PHF11: variants seen among roughly 807,000 people sequenced by gnomAD.
PHF11 encodes BRCA1 C-terminus-associated protein.
A neutral mutation model predicts 40.5 loss-of-function variants in PHF11; 38 were observed. The ratio of observed to expected loss-of-function variants is 0.94; its 90% confidence interval spans 0.72 to 1.23. PHF11 has a LOEUF of 1.23. Ranked by LOEUF, PHF11 falls within the 50% of genes most tolerant of loss-of-function variation. The pLI is 0.00. For synonymous variants in PHF11, 127 were observed against 138.2 expected (o/e 0.92, Z 0.57); for missense variants, 369 against 392.4 (o/e 0.94, Z 0.50).
intron 4 of PHF11, 98 bp from the exon 5 acceptor site, chr13:49,520,795 GA>G: frequency 1.2e-6 from 1 of 810,866 alleles, no homozygotes; most frequent in Non-Finnish European, 1.9e-6. Flanking sequence ...ACGCCGTCAT[GA>G]AAAGTAGGTT....
chr13:49,523,307 G>T, intron 7 of PHF11, 66 bp downstream of exon 7: 1 of 1,063,562 alleles, frequency 9.4e-7, no homozygotes, highest in Non-Finnish European at 1.4e-6. Context: ...CAACCCACCT[G>T]TTTCAAACTT....
At chr13:49,513,326 T>A (rs886411638) in intron 3 of PHF11, among the ~76,000 whole-genome samples, 160 bp downstream of exon 3, 1 of 131,640 alleles carries the variant, frequency 7.6e-6, no homozygotes, top group Non-Finnish European at 1.6e-5. Flanking sequence ...ACTTAACATT[T>A]AATTTTTTTT....
chr13:49,496,255 ACC>A (rs1958805898), intron 1 of PHF11, 160 bp downstream of exon 1: 1 of 643,512 alleles, frequency 1.6e-6, no homozygotes, highest in African/African-American at 1.9e-5. Flanking sequence ...AACTTGGCTC[ACC>A]ACTCGCGTGC....
At chr13:49,518,245 T>C in intron 4 of PHF11, 94 bp downstream of exon 4, 1 of 851,042 alleles carries the variant, frequency 1.2e-6, no homozygotes, top group Non-Finnish European at 1.8e-6. Context: ...TAATTTTATG[T>C]AAATGGTTTT....
intron 1 of PHF11, among the ~76,000 whole-genome samples, chr13:49,501,011 TTTTTGG>T (rs1270142064): frequency 0.025 from 2,946 of 117,972 alleles, 279 homozygotes; most frequent in African/African-American, 0.1. Flanking sequence ...TTTTTTTTTT[TTTTTGG>T]TTTTTTTTTT....
intron 2 of PHF11, 57 bp from the exon 3 acceptor site, chr13:49,513,002 C>A: frequency 1.2e-6 from 1 of 836,390 alleles, no homozygotes; most frequent in Non-Finnish European, 2.0e-6. Flanking sequence ...GATTTTCTGA[C>A]ATGTAGCTTT....
intron 1 of PHF11, 23 bp downstream of exon 1, chr13:49,496,118 G>A: frequency 3.5e-6 from 4 of 1,157,856 alleles, no homozygotes; most frequent in Non-Finnish European, 4.4e-6. Flanking sequence ...GGGGCGGGCG[G>A]GCGGGCGGGC....
chr13:49,506,870 G>T, intron 2 of PHF11, 114 bp downstream of exon 2: 1 of 457,948 alleles, frequency 2.2e-6, no homozygotes, highest in Non-Finnish European at 3.7e-6. Context: ...CATGGTTTGA[G>T]CTTTTAGGTG....
chr13:49,509,709 A>G (rs1005258322), intron 2 of PHF11, among the ~76,000 whole-genome samples: 1 of 152,204 alleles, frequency 6.6e-6, no homozygotes, highest in Admixed American at 6.5e-5. Context: ...GGTTTTATAA[A>G]GAGGAGTTCC....
intron 1 of PHF11, among the ~76,000 whole-genome samples, chr13:49,504,462 A>T (rs1431922571): frequency 2.0e-5 from 3 of 150,868 alleles, no homozygotes; most frequent in Non-Finnish European, 4.4e-5. Flanking sequence ...TCTAAAAAAA[A>T]AGATACTCCC....
At chr13:49,504,829 A>T (rs1458625579) in intron 1 of PHF11, among the ~76,000 whole-genome samples, 16 of 150,996 alleles carry the variant, frequency 1.1e-4, no homozygotes, top group Middle Eastern at 3.4e-3. Flanking sequence ...TCTGTGTAGA[A>T]AGAAGTAGAC....
chr13:49,497,260 A>C, intron 1 of PHF11: 1 of 1,145,656 alleles, frequency 8.7e-7, no homozygotes, highest in South Asian at 1.3e-5. Flanking sequence ...CTCTTCCTCA[A>C]ACTCCAGACT....
chr13:49,513,464 A>G (rs1039627979), intron 3 of PHF11, among the ~76,000 whole-genome samples: 3 of 151,000 alleles, frequency 2.0e-5, no homozygotes, highest in Non-Finnish European at 4.4e-5. Context: ...CCGAGTAGCT[A>G]GGATTACAGG....
intron 1 of PHF11, among the ~76,000 whole-genome samples, chr13:49,501,003 T>G (rs185318961): frequency 0.01 from 1,229 of 120,906 alleles, 80 homozygotes; most frequent in Admixed American, 0.044. Flanking sequence ...AACTTTTGTT[T>G]TTTTTTTTTT....
intron 1 of PHF11, 93 bp downstream of exon 1, chr13:49,496,188 G>T (rs1958803310): frequency 1.3e-6 from 1 of 799,526 alleles, no homozygotes; most frequent in Non-Finnish European, 1.7e-6. Context: ...GCCGCATGGG[G>T]GCCCGACCTG....
intron 9 of PHF11, among the ~76,000 whole-genome samples, chr13:49,527,523 T>C (rs935710408): frequency 2.0e-5 from 3 of 152,252 alleles, no homozygotes; most frequent in African/African-American, 7.2e-5. Context: ...ATTTGAATTT[T>C]TTACTACATT....
intron 1 of PHF11, 147 bp downstream of exon 1, chr13:49,496,242 A>G (rs1958805572): frequency 3.1e-6 from 2 of 651,908 alleles, no homozygotes; most frequent in Non-Finnish European, 4.3e-6. Context: ...GCGGCGCTGG[A>G]CGAACTTGGC....
intron 4 of PHF11, chr13:49,518,460 G>T (rs59011297): frequency 0.041 from 6,562 of 160,118 alleles, 487 homozygotes; most frequent in African/African-American, 0.15. Flanking sequence ...TCCATTCAGA[G>T]GCTGATGTTT....
At chr13:49,497,536 C>T (rs551985539) in intron 1 of PHF11, among the ~76,000 whole-genome samples, 112 of 152,340 alleles carry the variant, frequency 7.4e-4, no homozygotes, top group Non-Finnish European at 1.6e-3. Context: ...TCACCACTTC[C>T]ATTACTGCCA....
Sources: gnomAD v4.1 joint callset for allele counts (sites outside exome capture counted in the v4.1 genomes callset) on GRCh38, gnomAD v4.1.1 for gene constraint, MANE v1.5 for transcripts, NCBI Gene and HGNC (gene_info 2026-07-23, HGNC 2026-07-21) for gene names.